LRP1B: variants seen among roughly 807,000 people sequenced by gnomAD.
LRP1B encodes the protein LDL receptor related protein 1B.
A neutral mutation model predicts 556.6 loss-of-function variants in LRP1B; 217 were observed. The observed-to-expected ratio is 0.39, with a 90% confidence interval of 0.35 to 0.44. The LOEUF (loss-of-function observed/expected upper bound fraction) is 0.44. Among genes scored for constraint, LRP1B ranks in the 20% least tolerant of loss-of-function variants. The probability of loss-of-function intolerance (pLI) is 1.00; values close to 1 mark genes in which losing one functional copy is unlikely to be tolerated. For synonymous variants in LRP1B, 2,047 were observed against 1,865.8 expected, an observed-to-expected ratio of 1.10 and a Z score of -2.50; for missense variants, 5,053 against 5,620.8, an observed-to-expected ratio of 0.90 and a Z score of 3.23.
intron 3 of LRP1B, among the ~76,000 whole-genome samples, chr2:141,447,743 G>T: frequency 6.6e-6 from 1 of 152,134 alleles, no homozygotes; most frequent in Non-Finnish European, 1.5e-5. Flanking sequence ...ACCAGCAGAG[G>T]CTACAGGACA....
intron 3 of LRP1B, among the ~76,000 whole-genome samples, chr2:141,314,747 C>T (rs1361743610): frequency 6.8e-6 from 1 of 147,942 alleles, no homozygotes; most frequent in Non-Finnish European, 1.5e-5. Flanking sequence ...GCCGAGATGG[C>T]GCCACTGCAC....
At chr2:141,850,852 T>G (rs1192395271) in intron 1 of LRP1B, among the ~76,000 whole-genome samples, 1 of 151,734 alleles carries the variant, frequency 6.6e-6, no homozygotes, top group African/African-American at 2.4e-5. Flanking sequence ...TCTGGAATGC[T>G]TTATTTTTTT....
chr2:141,668,971 C>T lies in LRP1B; in HGVS notation c.205+141308G>A, dbSNP rs143797385. ...ACAGATGAGCAATACCCCTGTGGCACGTCACAATACCCTTGTGATGGGGGT... is the reference window on the plus strand; with the variant it reads ...ACAGATGAGCAATACCCCTGTGGCATGTCACAATACCCTTGTGATGGGGGT... On this transcript the variant is annotated intron_variant, in intron 2 of 90. Coordinates refer to ENST00000389484, the MANE Select transcript of LRP1B (RefSeq NM_018557.3). Among the ~76,000 whole-genome samples the T allele has an allele frequency of 2.2e-3, 336 of 152,218 alleles. 1 individual carries two copies. The highest frequency in any genetic ancestry group is 8.2e-3 in the Admixed American group (125 of 15,294).
Position 141,247,289 on chromosome 2 carries a change from T to C in LRP1B, c.529A>G (p.Thr177Ala), listed in dbSNP as rs1378082719. 2 of 1,613,820 alleles carry C rather than the reference T, an allele frequency of 1.2e-6. No homozygotes were observed. The highest frequency in any genetic ancestry group is 1.1e-5 in the South Asian group (1 of 91,072). ...QTCRNTHGSY[T>A]CSCVEGYLMQ... is the part of the protein sequence containing the mutation. ...AGGTAGCCTTCCACACAACTGCAAGTGTAGGATCCATGTGTGTTTCTGCAG... is the reference window on the plus strand; with the variant it reads ...AGGTAGCCTTCCACACAACTGCAAGCGTAGGATCCATGTGTGTTTCTGCAG... The change falls in exon 5 of 91, where the codon ACT (threonine) becomes GCT (alanine). Residue 177 changes from threonine (T) to alanine (A), a missense_variant. Transcript: ENST00000389484.
intron 86 of LRP1B, among the ~76,000 whole-genome samples, chr2:140,258,529 C>CT (rs1252665395): frequency 1.3e-5 from 2 of 152,050 alleles, no homozygotes; most frequent in African/African-American, 2.4e-5. Flanking sequence ...TAAAAATACT[C>CT]TTTTTTATTG....
At chr2:140,613,547 C>T (rs912836982) in intron 41 of LRP1B, among the ~76,000 whole-genome samples, 5 of 150,552 alleles carry the variant, frequency 3.3e-5, no homozygotes, top group African/African-American at 9.8e-5. Context: ...TTCATGATGA[C>T]CCCTGACAAT....
intron 1 of LRP1B, among the ~76,000 whole-genome samples, chr2:142,019,177 C>T (rs1166334087): frequency 6.6e-6 from 1 of 151,938 alleles, no homozygotes; most frequent in Non-Finnish European, 1.5e-5. Flanking sequence ...TGGTGCTAAC[C>T]TTCATTTCAT....
chr2:141,222,130 T>C (rs146974672), intron 6 of LRP1B, among the ~76,000 whole-genome samples: 64 of 151,130 alleles, frequency 4.2e-4, no homozygotes, highest in African/African-American at 1.5e-3. Flanking sequence ...CAAAAATCAA[T>C]AAAATAGATA....
chr2:141,145,155 T>A (rs1476211212), intron 7 of LRP1B, among the ~76,000 whole-genome samples: 3 of 152,218 alleles, frequency 2.0e-5, no homozygotes, highest in Non-Finnish European at 4.4e-5. Context: ...TCGCATAAAC[T>A]AATGAATGTT....
At chr2:142,087,724 C>G (rs1452159268) in intron 1 of LRP1B, among the ~76,000 whole-genome samples, 4 of 151,848 alleles carry the variant, frequency 2.6e-5, no homozygotes, top group African/African-American at 9.7e-5. Flanking sequence ...GTCTACCAAG[C>G]TAGATCTTTT....
intron 32 of LRP1B, 116 bp downstream of exon 32, chr2:140,813,541 T>C (rs995087810): frequency 1.2e-6 from 1 of 841,766 alleles, no homozygotes. Flanking sequence ...AAGTGTTCAA[T>C]TTGAATATAG....
At chr2:140,993,968 T>G in intron 16 of LRP1B, 27 bp downstream of exon 16, 2 of 1,607,702 alleles carry the variant, frequency 1.2e-6, no homozygotes, top group Non-Finnish European at 1.7e-6. Context: ...AAAATACAAT[T>G]TTTAGGTGAC....
chr2:142,046,509 C>T (rs756195859), intron 1 of LRP1B, among the ~76,000 whole-genome samples: 9 of 151,904 alleles, frequency 5.9e-5, no homozygotes, highest in African/African-American at 1.7e-4. Context: ...TCTTTCTCCA[C>T]AGTAAATGAA....
At chr2:141,471,282 T>TTTTG (rs1553519001) in intron 3 of LRP1B, among the ~76,000 whole-genome samples, 1 of 113,886 alleles carries the variant, frequency 8.8e-6, no homozygotes, top group Non-Finnish European at 1.9e-5. Context: ...TTTTTTTTTT[T>TTTTG]TTTTTTTTTT....
chr2:140,536,268 A>C (rs1243244895), intron 46 of LRP1B, among the ~76,000 whole-genome samples: 1 of 131,322 alleles, frequency 7.6e-6, no homozygotes, highest in Non-Finnish European at 1.6e-5. Flanking sequence ...TGAGCTCAGG[A>C]GTTTGAGACC....
chr2:140,805,235 G>T (rs555799911), intron 32 of LRP1B, among the ~76,000 whole-genome samples: 3 of 152,114 alleles, frequency 2.0e-5, no homozygotes, highest in African/African-American at 7.2e-5. Flanking sequence ...CTGGAAAATT[G>T]CCACTTGAAA....
chr2:140,610,145 G>A (rs1365980571), intron 41 of LRP1B, among the ~76,000 whole-genome samples: 4 of 150,088 alleles, frequency 2.7e-5, no homozygotes, highest in Non-Finnish European at 5.9e-5. Flanking sequence ...CATTTCCTCT[G>A]TCCCTTTTTT....
At chr2:141,974,214 T>G (rs1299209686) in intron 1 of LRP1B, among the ~76,000 whole-genome samples, 1 of 151,970 alleles carries the variant, frequency 6.6e-6, no homozygotes, top group African/African-American at 2.4e-5. Flanking sequence ...GTGTTAAGTT[T>G]CTTTCTTTGC....
intron 83 of LRP1B, among the ~76,000 whole-genome samples, chr2:140,311,795 A>T (rs1366557058): frequency 6.6e-6 from 1 of 151,690 alleles, no homozygotes; most frequent in Non-Finnish European, 1.5e-5. Context: ...CTTCATTTAA[A>T]TGAGAAGTCA....
Sources: gnomAD v4.1 joint callset for allele counts (sites outside exome capture counted in the v4.1 genomes callset) on GRCh38, gnomAD v4.1.1 for gene constraint, MANE v1.5 for transcripts, NCBI Gene and HGNC (gene_info 2026-07-23, HGNC 2026-07-21) for gene names.